ZNF385A: variants seen among roughly 807,000 people sequenced by gnomAD.
ZNF385A encodes zinc finger protein 385A, also known as hematopoietic zinc finger protein.
ZNF385A carries 14 observed loss-of-function variants against 32.1 expected under a neutral mutation model. The observed-to-expected ratio is 0.44, with a 90% CI of 0.29 to 0.68. The LOEUF (loss-of-function observed/expected upper bound fraction) is 0.68. ZNF385A is among the 30% of genes least tolerant of loss of function. ZNF385A has a pLI of 0.14. For missense variants in ZNF385A, 406 were observed against 478.4 expected, an observed-to-expected ratio of 0.85 and a Z score of 1.41; for synonymous variants, 197 against 202.7, an observed-to-expected ratio of 0.97 and a Z score of 0.24.
At chr12:54,384,047 T>G (rs1237760873) in intron 1 of ZNF385A, among the ~76,000 whole-genome samples, 1 of 152,186 alleles carries the variant, frequency 6.6e-6, no homozygotes, top group East Asian at 1.9e-4. Context: ...CAAACAGGCA[T>G]GCTTATTTTC....
chr12:54,382,059 T>C (rs2137268113), intron 1 of ZNF385A, among the ~76,000 whole-genome samples: 1 of 152,132 alleles, frequency 6.6e-6, no homozygotes, highest in East Asian at 1.9e-4. Context: ...ATTTTTTTTT[T>C]GTTAAATTGA....
chr12:54,372,305 G>A (rs1450482423), intron 3 of ZNF385A, among the ~76,000 whole-genome samples: 1 of 152,212 alleles, frequency 6.6e-6, no homozygotes, highest in African/African-American at 2.4e-5. Flanking sequence ...CCTCTGTACA[G>A]GGGAAACTCT....
Position 54,370,936 on chromosome 12 carries a change from T to C in ZNF385A, c.765A>G (p.Gln255=), listed in dbSNP as rs755528076. 27 of 1,614,090 alleles carry C rather than the reference T, an allele frequency of 1.7e-5. No homozygotes were observed. Among genetic ancestry groups the C allele is most frequent in the Admixed American group, 1.2e-4 (7 of 60,008 alleles). Residue 255 remains glutamine, a synonymous_variant, in exon 5 of 7, where the codon CAA becomes CAG. Coordinates refer to ENST00000394313, the MANE Select transcript of ZNF385A (RefSeq NM_015481.3). The surrounding 1 kb of genome is among the most constrained non-coding windows in gnomAD (Gnocchi z 5.5). ...AGGGCCTTAGACCCACCTGTTTCAGTTGGACCTCCGAGTTGACCTTGACAT... is the reference window on the plus strand; with the variant it reads ...AGGGCCTTAGACCCACCTGTTTCAGCTGGACCTCCGAGTTGACCTTGACAT... ...ICNVKVNSEV[Q]LKQHISSRRH...
At chr12:54,379,976 C>G (rs1171794076) in intron 1 of ZNF385A, among the ~76,000 whole-genome samples, 1 of 152,212 alleles carries the variant, frequency 6.6e-6, no homozygotes, top group Non-Finnish European at 1.5e-5. Flanking sequence ...CTCATCTTCT[C>G]CCATCCCACC....
rs762764826 is a variant in ZNF385A at position 54,374,071 on chromosome 12, G to C, written c.263C>G (p.Ala88Gly). The change falls in exon 3 of 7, where the codon GCC becomes GGC. Residue 88 changes from alanine to glycine, a missense_variant. By Grantham distance (60) the Ala-to-Gly change is moderately conservative. Transcript: ENST00000394313. ...HARRVKGIEAAKTRGREPGVR... is the reference protein window; with the variant it reads ...HARRVKGIEAGKTRGREPGVR... Reference sequence around the variant, plus strand: ...GCCAGGCTCCCTGCCTCTGGTCTTGGCAGCCTCAATGCCTTTGACTCGTCG... The same window carrying C: ...GCCAGGCTCCCTGCCTCTGGTCTTGCCAGCCTCAATGCCTTTGACTCGTCG... The C allele has an allele frequency of 1.9e-6, 3 of 1,602,682 alleles. No individual in the cohort carries two copies. In the African/African-American group the frequency reaches 4.0e-5, roughly 21 times the overall value.
chr12:54,389,733 G>T (rs1184719055), upstream of ZNF385A, among the ~76,000 whole-genome samples: 1 of 152,138 alleles, frequency 6.6e-6, no homozygotes, highest in Non-Finnish European at 1.5e-5. Context: ...AGGAATGTGG[G>T]TCCTGTGCTC....
intron 1 of ZNF385A, among the ~76,000 whole-genome samples, chr12:54,381,081 A>T (rs932992857): frequency 1.3e-5 from 2 of 151,978 alleles, no homozygotes; most frequent in Admixed American, 1.3e-4. Context: ...CTGTAGCCAC[A>T]GCTACTCTGG....
rs576366915 is a variant in ZNF385A at position 54,390,965 on chromosome 12, C to T, written c.10+270G>A. On this transcript the variant is annotated intron_variant, in intron 1 of 7. Coordinates refer to the ZNF385A transcript ENST00000338010. ...AATATTCATGAGCCTCATGAATACG[C>T]AATGTTCTAATTATGGGGCGGGGGT... 1.2e-4 allele frequency among the ~76,000 whole-genome samples: 18 copies of T among 152,232 alleles called. No individual in the cohort carries two copies. In the South Asian group the frequency reaches 1.5e-3, roughly 12 times the overall value.
chr12:54,380,790 T>TA (rs1437486046), intron 1 of ZNF385A, among the ~76,000 whole-genome samples: 1 of 152,188 alleles, frequency 6.6e-6, no homozygotes, highest in African/African-American at 2.4e-5. Context: ...ATTGAGCACT[T>TA]AGTTTGTGCT....
intron 1 of ZNF385A, among the ~76,000 whole-genome samples, chr12:54,379,541 A>G (rs116150357): frequency 0.014 from 2,197 of 151,984 alleles, 48 homozygotes; most frequent in African/African-American, 0.051. Flanking sequence ...CCCTGCTGAC[A>G]GTCTGTCTTC....
At position 54,371,080 on chromosome 12, in the gene ZNF385A, T is replaced by C; in HGVS notation, c.621A>G (p.Thr207=). ...EAHNKGTKHK[T]ILEARSGLGP... ...CGAGCCCACTTCGGGCCTCCAGAATTGTCTTGTGCTTAGTACCTGGAGCCC... is the reference window on the plus strand; with the variant it reads ...CGAGCCCACTTCGGGCCTCCAGAATCGTCTTGTGCTTAGTACCTGGAGCCC... Residue 207 remains threonine (T), a synonymous_variant, in exon 5 of 7, where the codon ACA becomes ACG. Transcript: ENST00000394313. The C allele has an allele frequency of 6.2e-7, 1 of 1,608,750 alleles. No individual in the cohort carries two copies. Among genetic ancestry groups the C allele is most frequent in the Non-Finnish European group, 8.5e-7 (1 of 1,178,024 alleles).
chr12:54,371,028 C>T lies in ZNF385A; in HGVS notation c.673G>A (p.Gly225Arg). The T allele has an allele frequency of 1.2e-6, 2 of 1,614,156 alleles. No homozygotes were observed. The highest frequency in any genetic ancestry group is 8.5e-7 in the Non-Finnish European group (1 of 1,180,006). The part of the protein sequence containing the change: ...LGPIKAYPRL[G>R]PPTPGEPEAP... ...TCTGGTTCCCCCGGGGTGGGAGGCC[C>T]CAGCCGAGGGTAAGCTTTGATGGGC... Residue 225 changes from glycine to arginine, a missense_variant, in exon 5 of 7, where the codon GGG (glycine) becomes AGG (arginine). Physicochemically the swap from Gly to Arg is moderately radical, Grantham distance 125. Coordinates refer to ENST00000394313, the MANE Select transcript of ZNF385A (RefSeq NM_015481.3).
upstream of ZNF385A, chr12:54,384,962 G>T: frequency 4.0e-6 from 4 of 999,404 alleles, no homozygotes; most frequent in Non-Finnish European, 4.8e-6. Context: ...CTAAAGCTTG[G>T]TATCGCCCCA....
Position 54,370,995 on chromosome 12 carries a change from C to T in ZNF385A, c.706G>A (p.Ala236Thr). The T allele has an allele frequency of 6.2e-7, 1 of 1,614,194 alleles. No homozygotes were observed. Among genetic ancestry groups the T allele is most frequent in the Non-Finnish European group, 8.5e-7 (1 of 1,180,020 alleles). The change falls in exon 5 of 7, where the codon GCC becomes ACC. Residue 236 changes from alanine to threonine, a missense_variant. Transcript: ENST00000394313. The surrounding 1 kb of genome is among the most constrained non-coding windows in gnomAD (Gnocchi z 5.5). Reference protein sequence around the residue: ...PPTPGEPEAPAQDRTFHCEIC... With the variant: ...PPTPGEPEAPTQDRTFHCEIC... Reference sequence around the variant, plus strand: ...TCACAGTGGAAAGTTCGGTCCTGGGCAGGAGCCTCTGGTTCCCCCGGGGTG... The same window carrying T: ...TCACAGTGGAAAGTTCGGTCCTGGGTAGGAGCCTCTGGTTCCCCCGGGGTG...
At chr12:54,379,228 G>GC (rs1279202634) in intron 1 of ZNF385A, 132 of 982,606 alleles carry the variant, frequency 1.3e-4, no homozygotes, top group Non-Finnish European at 1.6e-4. Context: ...GGCGGCGCTG[G>GC]CCCGGGCCGG....
At chr12:54,371,341 G>A (rs1194423762) in intron 4 of ZNF385A, 132 bp downstream of exon 4, 1 of 1,284,428 alleles carries the variant, frequency 7.8e-7, no homozygotes, top group Non-Finnish European at 1.1e-6. Context: ...GAGATGGCTG[G>A]AGAAGGAGAC....
At chr12:54,386,990 C>G (rs1358482803), upstream of ZNF385A, among the ~76,000 whole-genome samples, 1 of 152,220 alleles carries the variant, frequency 6.6e-6, no homozygotes, top group East Asian at 1.9e-4. Flanking sequence ...GTCACACAGC[C>G]TGTAAATATC....
At position 54,369,323 on chromosome 12, in the gene ZNF385A, T is replaced by G. The variant is rs1592223325; in HGVS notation, c.*933A>C. 2 of 146,130 alleles carry G rather than the reference T, an allele frequency of 1.4e-5. No homozygotes were observed. The highest frequency in any genetic ancestry group is 2.2e-4 in the South Asian group (1 of 4,516). 9.1% of individuals were successfully genotyped at this position (146,130 alleles called of 1,614,324 possible). A position where few individuals can be genotyped will look rare whatever the true frequency, so the allele number is the denominator to read the frequency against. ...GATACGGAAACCACGGAGTCGGGGG[T>G]GGGGGAGAGGTGTCACACCCCCGCC... On this transcript the variant is annotated 3_prime_UTR_variant, in exon 7 of 7. Coordinates refer to ENST00000394313, the MANE Select transcript of ZNF385A (RefSeq NM_015481.3).
chr12:54,378,144 G>A (rs759449147), intron 1 of ZNF385A, among the ~76,000 whole-genome samples: 2 of 152,192 alleles, frequency 1.3e-5, no homozygotes, highest in Non-Finnish European at 2.9e-5. Flanking sequence ...GTGGAGTCAG[G>A]TGGGTGCTTC....
Sources: allele counts gnomAD v4.1 joint callset (sites outside exome capture counted in the v4.1 genomes callset), GRCh38; gene constraint gnomAD v4.1.1; non-coding constraint Gnocchi (gnomAD v3.1); transcripts MANE v1.5; gene names NCBI Gene and HGNC (gene_info 2026-07-23, HGNC 2026-07-21).